The following ABCF1 variants were observed in gnomAD, a reference collection of about 807,000 sequenced individuals.
ABCF1 encodes the protein ATP binding cassette subfamily F member 1.
ABCF1 carries 73 observed loss-of-function variants against 126.3 expected under a neutral mutation model. That is an observed-to-expected ratio of 0.58 (90% CI 0.48 to 0.70). The LOEUF (loss-of-function observed/expected upper bound fraction) is 0.70, where lower values mean the gene tolerates loss of function less well. Among genes scored for constraint, ABCF1 ranks in the 30% least tolerant of loss-of-function variants. ABCF1 has a pLI of 0.00. For missense variants in ABCF1, 786 were observed against 1,057.5 expected (o/e 0.74, Z 3.56); for synonymous variants, 345 against 396.4 (o/e 0.87, Z 1.54).
rs769411889 is a variant in ABCF1 at position 30,590,963 on chromosome 6, C to G, written c.*262C>G. 7.0e-6 allele frequency: 3 copies of G among 427,592 alleles called. No homozygotes were observed. The highest frequency in any genetic ancestry group is 1.2e-5 in the Non-Finnish European group (3 of 244,390). 26.5% of individuals were successfully genotyped at this position (427,592 alleles called of 1,614,324 possible). A position where few individuals can be genotyped will look rare whatever the true frequency, so the allele number is the denominator to read the frequency against. On this transcript the variant is annotated 3_prime_UTR_variant, in exon 25 of 25. Coordinates refer to ENST00000326195, the MANE Select transcript of ABCF1 (RefSeq NM_001025091.2). The stretch of plus-strand genomic sequence containing the variant: ...ATCCCCCTAAACAAACAAGAGGTGA[C>G]CACCTTATTGTGAGGTTCCATCCAG...
At chr6:30,579,186 A>G (rs2127407837) in intron 6 of ABCF1, among the ~76,000 whole-genome samples, 1 of 152,024 alleles carries the variant, frequency 6.6e-6, no homozygotes, top group South Asian at 2.1e-4. Context: ...TGCTAGTGCC[A>G]CTCACTCTGG....
rs776031365 is a variant in ABCF1 at position 30,571,470 on chromosome 6, G to T, written c.-18G>T. The T allele has an allele frequency of 6.2e-7, 1 of 1,606,186 alleles. No individual in the cohort carries two copies. The highest frequency in any genetic ancestry group is 8.5e-7 in the Non-Finnish European group (1 of 1,177,236). On this transcript the variant is annotated 5_prime_UTR_variant, in exon 1 of 25. Transcript: ENST00000326195. ...AATAGCACCGGGCGCCGCCACAGTA[G>T]CTGTAACTGCCACCGCGATGCCGAA...
At chr6:30,590,257 A>T in intron 23 of ABCF1, 44 bp downstream of exon 23, 1 of 1,612,656 alleles carries the variant, frequency 6.2e-7, no homozygotes. Flanking sequence ...GGTAACAGTA[A>T]TGGAAGACGG....
rs749142664 is a variant in ABCF1, at chr6:30,578,125, A to G, written c.266A>G (p.Asp89Gly). ...TRKGRRKKDV[D>G]DDGEEKELME... Reference sequence around the variant, plus strand: ...AAAGGCAGGCGGAAGAAGGATGTGGATGATGATGGAGAAGAGAAAGAGCTC... The same window carrying G: ...AAAGGCAGGCGGAAGAAGGATGTGGGTGATGATGGAGAAGAGAAAGAGCTC... The change falls in exon 4 of 25, where the codon GAT becomes GGT. Residue 89 changes from aspartate to glycine, a missense_variant. By Grantham distance (94) the Asp-to-Gly change is moderately conservative (BLOSUM62 -1). This residue lies in a region of ABCF1 where 322 missense variants were observed against 322.9 expected (regional missense o/e 1.00). Transcript: ENST00000326195. 7 of 1,613,948 alleles carry G rather than the reference A, an allele frequency of 4.3e-6. No homozygotes were observed. The highest frequency in any genetic ancestry group is 1.6e-4 in the Middle Eastern group (1 of 6,080).
At chr6:30,589,417 C>T (rs1367102390) in intron 20 of ABCF1, 1 of 527,402 alleles carries the variant, frequency 1.9e-6, no homozygotes, top group Admixed American at 3.4e-5. Context: ...TCCTGGCTAA[C>T]ATGGTGAAAT....
At position 30,586,583 on chromosome 6, in the gene ABCF1, A is replaced by T. The variant is rs1232260835; in HGVS notation, c.1960+35A>T. Reference sequence around the variant, plus strand: ...CGGGGTTGCCTCAGGGATGTGTAGCAGGAGCCACAGGGAGAGTCTCTGGGG... The same window carrying T: ...CGGGGTTGCCTCAGGGATGTGTAGCTGGAGCCACAGGGAGAGTCTCTGGGG... On this transcript the variant is annotated intron_variant, in intron 19 of 24. Transcript: ENST00000326195. The surrounding 1 kb of genome is among the most constrained non-coding windows in gnomAD (Gnocchi z 4.9). 1 of 1,613,088 alleles carries T rather than the reference A, an allele frequency of 6.2e-7. No individual in the cohort carries two copies. Among genetic ancestry groups the T allele is most frequent in the Non-Finnish European group, 8.5e-7 (1 of 1,179,774 alleles).
intron 1 of ABCF1, among the ~76,000 whole-genome samples, chr6:30,573,086 A>G (rs530852557): frequency 6.6e-6 from 1 of 152,348 alleles, no homozygotes; most frequent in East Asian, 1.9e-4. Flanking sequence ...TGGAGAATGA[A>G]TGGCCTTGAA....
At chr6:30,587,989 A>G (rs990713892) in intron 20 of ABCF1, among the ~76,000 whole-genome samples, 3 of 150,746 alleles carry the variant, frequency 2.0e-5, no homozygotes. Flanking sequence ...TGCAACCTCC[A>G]CCTCCCAGGT....
Position 30,589,712 on chromosome 6 carries a change from C to T in ABCF1, c.2056C>T (p.His686Tyr), listed in dbSNP as rs778004383. The T allele has an allele frequency of 6.2e-7, 1 of 1,614,178 alleles. No individual in the cohort carries two copies. The highest frequency in any genetic ancestry group is 1.7e-5 in the Admixed American group (1 of 60,018). ...GACCCATGGGGAAATGAGAAAGAAC[C>T]ACCGGCTGGTAAGTTGGCATTGGGA... is the stretch of plus-strand genomic sequence containing the variant. ...TPTHGEMRKNHRLKIGFFNQQ... is the reference protein window; with the variant it reads ...TPTHGEMRKNYRLKIGFFNQQ... Residue 686 changes from histidine to tyrosine, a missense_variant, in exon 21 of 25, where the codon CAC becomes TAC. His to Tyr is a moderately conservative substitution (Grantham distance 83, BLOSUM62 2). Coordinates refer to ENST00000326195, the MANE Select transcript of ABCF1 (RefSeq NM_001025091.2).
intron 20 of ABCF1, among the ~76,000 whole-genome samples, chr6:30,587,310 G>C (rs1028571968): frequency 3.3e-5 from 5 of 151,922 alleles, no homozygotes; most frequent in Admixed American, 6.6e-5. Flanking sequence ...CAACTCTTTG[G>C]GGGAGGCTGA....
intron 8 of ABCF1, among the ~76,000 whole-genome samples, chr6:30,581,804 T>G (rs1801829664): frequency 2.0e-5 from 3 of 152,196 alleles, no homozygotes; most frequent in African/African-American, 7.2e-5. Flanking sequence ...TCAGTTACAT[T>G]GTATTGGGAG....
In ABCF1 at chr6:30,589,725, G is replaced by A; in HGVS notation, c.2064+5G>A. ...ATGAGAAAGAACCACCGGCTGGTAA[G>A]TTGGCATTGGGATTTAGGGAATGAT... On this transcript the variant is annotated splice_donor_5th_base_variant and intron_variant, in intron 21 of 24. Transcript: ENST00000326195. The A allele has an allele frequency of 1.2e-6, 2 of 1,614,204 alleles. No individual in the cohort carries two copies. The highest frequency in any genetic ancestry group is 1.7e-6 in the Non-Finnish European group (2 of 1,180,022).
intron 9 of ABCF1, 116 bp downstream of exon 9, chr6:30,582,623 G>A (rs1184815345): frequency 1.2e-5 from 13 of 1,054,766 alleles, no homozygotes; most frequent in East Asian, 9.6e-5. Context: ...TAAAACAATC[G>A]GAGTAAGAAA....
chr6:30,580,406 C>T lies in ABCF1; in HGVS notation c.565C>T (p.Pro189Ser). The change falls in exon 8 of 25, where the codon CCT becomes TCT. Residue 189 changes from proline (P) to serine (S), a missense_variant and splice_region_variant. Pro to Ser is a moderately conservative substitution (Grantham distance 74, BLOSUM62 -1). This residue lies in a region of ABCF1 where 322 missense variants were observed against 322.9 expected (regional missense o/e 1.00). Transcript: ENST00000326195. The stretch of plus-strand genomic sequence containing the variant: ...ATCAGACCTGTCTTTTCCCTATTAG[C>T]CTCAAAATAAATTCGCTGCTCTGGA... ...KEEKSKGKAKPQNKFAALDNE... is the reference protein window; with the variant it reads ...KEEKSKGKAKSQNKFAALDNE... 6.6e-7 allele frequency: 1 copy of T among 1,521,982 alleles called. No individual in the cohort carries two copies. Among genetic ancestry groups the T allele is most frequent in the Non-Finnish European group, 8.8e-7 (1 of 1,141,950 alleles). 94.3% of individuals were successfully genotyped at this position (1,521,982 alleles called of 1,614,324 possible).
Position 30,586,712 on chromosome 6 carries a change from G to C in ABCF1, c.2031+1G>C, listed in dbSNP as rs1340004739. The C allele has an allele frequency of 2.5e-6, 4 of 1,613,854 alleles. No homozygotes were observed. ...GCTGCTGACTGGCAAGCTGACACCG[G>C]TGAGTCCTGGAGCCAAGGAGGGAGA... is the stretch of plus-strand genomic sequence containing the variant. On this transcript the variant is annotated splice_donor_variant, in intron 20 of 24. Coordinates refer to ENST00000326195, the MANE Select transcript of ABCF1 (RefSeq NM_001025091.2). LOFTEE classifies it high-confidence loss of function. This position sits in a 1 kb window ranked among gnomAD's most constrained non-coding sequence, Gnocchi z 4.9.
At chr6:30,589,144 A>G (rs1341903842) in intron 20 of ABCF1, among the ~76,000 whole-genome samples, 1 of 151,974 alleles carries the variant, frequency 6.6e-6, no homozygotes, top group Admixed American at 6.6e-5. Flanking sequence ...GATTATAGGC[A>G]TGTCCCACTA....
chr6:30,591,055 C>A lies in ABCF1; in HGVS notation c.*354C>A. 4.2e-6 allele frequency: 1 copy of A among 240,070 alleles called. No homozygotes were observed. Among genetic ancestry groups the A allele is most frequent in the Non-Finnish European group, 7.9e-6 (1 of 125,846 alleles). The allele number at this position is 240,070 out of a possible 1,614,324, so 14.9% of individuals were successfully genotyped here. A position where few individuals can be genotyped will look rare whatever the true frequency, so the allele number is the denominator to read the frequency against. Reference sequence around the variant, plus strand: ...AGAAGCCTGCCTCTGATTTACCCTACAGCTTCAGGCCCAGCTGCCCCCCAG... The same window carrying A: ...AGAAGCCTGCCTCTGATTTACCCTAAAGCTTCAGGCCCAGCTGCCCCCCAG... On this transcript the variant is annotated 3_prime_UTR_variant, in exon 25 of 25. Coordinates refer to ENST00000326195, the MANE Select transcript of ABCF1 (RefSeq NM_001025091.2).
Position 30,585,574 on chromosome 6 carries a change from C to CG in ABCF1, c.1494dup (p.Lys499GlufsTer9), listed in dbSNP as rs1433536409. 1.2e-6 allele frequency: 2 copies of CG among 1,612,832 alleles called. No individual in the cohort carries two copies. Among genetic ancestry groups the CG allele is most frequent in the Non-Finnish European group, 1.7e-6 (2 of 1,180,022 alleles). On this transcript the variant is annotated frameshift_variant, in exon 16 of 25. Coordinates refer to ENST00000326195, the MANE Select transcript of ABCF1 (RefSeq NM_001025091.2). LOFTEE classifies it high-confidence loss of function. ...GAAACCCAGCTACCTCCAGGGCTGG[C>CG]GGAAGACCTTGCTGATCGTCTCCCA...
At position 30,589,693 on chromosome 6, in the gene ABCF1, T is replaced by C. The variant is rs1316961935; in HGVS notation, c.2037T>C (p.His679=). The C allele has an allele frequency of 1.2e-6, 2 of 1,613,574 alleles. No individual in the cohort carries two copies. The highest frequency in any genetic ancestry group is 1.7e-6 in the Non-Finnish European group (2 of 1,179,942). ...LLLTGKLTPT[H]GEMRKNHRLK... ...TACTTTGTCTTCCCTTGCAGACCCATGGGGAAATGAGAAAGAACCACCGGC... is the reference window on the plus strand; with the variant it reads ...TACTTTGTCTTCCCTTGCAGACCCACGGGGAAATGAGAAAGAACCACCGGC... The change falls in exon 21 of 25, where the codon CAT becomes CAC. Residue 679 remains histidine, a synonymous_variant. Transcript: ENST00000326195.
Sources: gnomAD v4.1 joint callset for allele counts (sites outside exome capture counted in the v4.1 genomes callset) on GRCh38, gnomAD v4.1.1 for gene constraint, gnomAD v4.1.1 regional missense constraint, Gnocchi (gnomAD v3.1) non-coding constraint, MANE v1.5 for transcripts, NCBI Gene and HGNC (gene_info 2026-07-23, HGNC 2026-07-21) for gene names.